IGSF11: variants seen among roughly 807,000 people sequenced by gnomAD.
IGSF11 encodes the protein CXADR like 1.
IGSF11 carries 22 observed loss-of-function variants against 41.0 expected under a neutral mutation model. The observed-to-expected ratio is 0.54, with a 90% CI of 0.38 to 0.77. The LOEUF is 0.77. IGSF11 is among the 30% of genes least tolerant of loss of function. The probability of loss-of-function intolerance (pLI) is 0.00; values close to 1 mark genes in which losing one functional copy is unlikely to be tolerated. For synonymous variants in IGSF11, 219 were observed against 201.3 expected (o/e 1.09, Z -0.74); for missense variants, 444 against 530.8 (o/e 0.84, Z 1.61).
rs148232455 is a variant in IGSF11, at chr3:118,974,382, G to A, written c.53-44107C>T. Among the ~76,000 whole-genome samples, 119 of 152,306 alleles carry A rather than the reference G, an allele frequency of 7.8e-4. 1 individual carries two copies. The highest frequency in any genetic ancestry group is 6.8e-3 in the Middle Eastern group (2 of 294). ...AAGATCCGTTGGAAGAAAAGGCAAC[G>A]GTTCAGTATTAGCAATGAGAATCAT... On this transcript the variant is annotated intron_variant, in intron 1 of 6. Coordinates refer to ENST00000393775, the MANE Select transcript of IGSF11 (RefSeq NM_001015887.3).
intron 1 of IGSF11, among the ~76,000 whole-genome samples, chr3:119,008,938 T>C (rs1937745285): frequency 2.0e-5 from 3 of 152,302 alleles, no homozygotes; most frequent in Non-Finnish European, 2.9e-5. Context: ...TTCTTCCTGG[T>C]TCTATAAGCA....
At chr3:119,073,505 G>C (rs557443570) in intron 1 of IGSF11, among the ~76,000 whole-genome samples, 2 of 152,216 alleles carry the variant, frequency 1.3e-5, no homozygotes, top group East Asian at 3.9e-4. Flanking sequence ...CCCACCGTGG[G>C]GGGGCTCGGG....
chr3:119,028,756 C>T (rs1940070631), intron 1 of IGSF11, among the ~76,000 whole-genome samples: 1 of 151,184 alleles, frequency 6.6e-6, no homozygotes, highest in African/African-American at 2.4e-5. Context: ...AAATATTTAC[C>T]AAGGTGTAAA....
At chr3:118,917,303 A>C (rs1250143355) in intron 4 of IGSF11, among the ~76,000 whole-genome samples, 4 of 150,662 alleles carry the variant, frequency 2.7e-5, no homozygotes, top group Admixed American at 2.0e-4. Flanking sequence ...CCTTCAAAAA[A>C]TCAATGAATC....
chr3:119,051,148 ATAAT>A (rs775064809), intron 1 of IGSF11, among the ~76,000 whole-genome samples: 7 of 150,444 alleles, frequency 4.7e-5, no homozygotes, highest in South Asian at 4.2e-4. Flanking sequence ...AAGTATAATA[ATAAT>A]TAATAAATAA....
At chr3:118,955,753 C>T (rs924141704) in intron 1 of IGSF11, among the ~76,000 whole-genome samples, 10 of 152,036 alleles carry the variant, frequency 6.6e-5, no homozygotes, top group African/African-American at 1.9e-4. Context: ...TAGTGTAATT[C>T]TTAAGGGCTC....
intron 4 of IGSF11, among the ~76,000 whole-genome samples, chr3:118,906,541 G>C (rs1437479445): frequency 6.6e-6 from 1 of 152,208 alleles, no homozygotes; most frequent in Non-Finnish European, 1.5e-5. Flanking sequence ...CCCAGGGGAA[G>C]CTTGGTCTTG....
chr3:119,110,921 C>G (rs2077145236), intron 1 of IGSF11, among the ~76,000 whole-genome samples: 1 of 151,804 alleles, frequency 6.6e-6, no homozygotes, highest in African/African-American at 2.4e-5. Context: ...TATTGGCCCC[C>G]ACTCTCTTCT....
At chr3:119,105,313 G>A (rs556475207), upstream of IGSF11, 2 of 632,606 alleles carry the variant, frequency 3.2e-6, no homozygotes, top group Non-Finnish European at 5.5e-6. Context: ...ACCTTCTTGG[G>A]TACAGGATTT....
chr3:119,013,327 T>C (rs918286162), intron 1 of IGSF11: 2 of 152,254 alleles, frequency 1.3e-5, no homozygotes, highest in African/African-American at 4.8e-5. Context: ...TCTATCAACA[T>C]ATTCATTTGT....
At chr3:119,074,811 C>G (rs1006805923) in intron 1 of IGSF11, among the ~76,000 whole-genome samples, 3 of 152,102 alleles carry the variant, frequency 2.0e-5, no homozygotes, top group Non-Finnish European at 2.9e-5. Context: ...GAGATCGCAC[C>G]ACTGCACTCC....
At chr3:119,095,105 C>T (rs1183718545) in intron 1 of IGSF11, among the ~76,000 whole-genome samples, 4 of 152,008 alleles carry the variant, frequency 2.6e-5, no homozygotes, top group African/African-American at 9.7e-5. Flanking sequence ...AGAAAAGTAT[C>T]AAAGTAAAAA....
intron 1 of IGSF11, among the ~76,000 whole-genome samples, chr3:119,015,317 C>T (rs886298914): frequency 1.3e-5 from 2 of 152,116 alleles, no homozygotes; most frequent in African/African-American, 4.8e-5. Context: ...GAAAACAATG[C>T]TTGTGCAAGA....
At chr3:118,924,405 A>C (rs1457780274) in intron 4 of IGSF11, among the ~76,000 whole-genome samples, 1 of 152,152 alleles carries the variant, frequency 6.6e-6, no homozygotes. Flanking sequence ...ATTATTTTGG[A>C]GCAATATTCT....
chr3:119,029,243 C>T (rs949893214), intron 1 of IGSF11, among the ~76,000 whole-genome samples: 1 of 116,658 alleles, frequency 8.6e-6, no homozygotes, highest in African/African-American at 4.1e-5. Context: ...GGAATACACA[C>T]ACACACACAC....
At chr3:118,911,254 CAA>C (rs111386363) in intron 4 of IGSF11, among the ~76,000 whole-genome samples, 1 of 146,976 alleles carries the variant, frequency 6.8e-6, no homozygotes, top group African/African-American at 2.5e-5. Context: ...TGTCAGAGGG[CAA>C]AAAAAAAGGG....
intron 1 of IGSF11, among the ~76,000 whole-genome samples, chr3:118,970,033 A>G (rs1933203112): frequency 6.6e-6 from 1 of 152,162 alleles, no homozygotes; most frequent in South Asian, 2.1e-4. Context: ...GGAAATTTGC[A>G]AAGTTGCCAC....
chr3:119,112,096 A>G (rs1328544070), intron 1 of IGSF11, among the ~76,000 whole-genome samples: 1 of 152,134 alleles, frequency 6.6e-6, no homozygotes, highest in Non-Finnish European at 1.5e-5. Flanking sequence ...CAAGCTGCGT[A>G]CTGGGAGAAC....
intron 1 of IGSF11, among the ~76,000 whole-genome samples, chr3:119,052,352 C>T (rs76412890): frequency 0.19 from 28,158 of 150,884 alleles, 2,917 homozygotes; most frequent in Non-Finnish European, 0.24. Context: ...TGGTGGTGTG[C>T]GCCTATAATC....
Sources: gnomAD v4.1 joint callset for allele counts (sites outside exome capture counted in the v4.1 genomes callset) on GRCh38, gnomAD v4.1.1 for gene constraint, MANE v1.5 for transcripts, NCBI Gene and HGNC (gene_info 2026-07-23, HGNC 2026-07-21) for gene names.